Variants in OTOA observed in about 807,000 individuals in gnomAD.
OTOA encodes otoancorin, also known as cancer/testis antigen 108.
A neutral mutation model predicts 110.8 loss-of-function variants in OTOA; 70 were observed. The ratio of observed to expected loss-of-function variants is 0.63; its 90% CI spans 0.52 to 0.77. The LOEUF (loss-of-function observed/expected upper bound fraction) is 0.77, where lower values mean the gene tolerates loss of function less well. Among genes scored for constraint, OTOA ranks in the 30% least tolerant of loss-of-function variants. The probability of loss-of-function intolerance (pLI) is 0.00; values close to 1 mark genes in which losing one functional copy is unlikely to be tolerated. For missense variants in OTOA, 917 were observed against 1,075.8 expected, an observed-to-expected ratio of 0.85 and a Z score of 2.06; for synonymous variants, 373 against 431.5, an observed-to-expected ratio of 0.86 and a Z score of 1.68.
rs1899295133 is a variant in OTOA at position 21,736,321 on chromosome 16, T to G, written c.2362T>G (p.Phe788Val). The change falls in exon 22 of 29, where the codon TTC becomes GTC. Residue 788 changes from phenylalanine (F) to valine (V), a missense_variant. Around this residue, in one of 6 missense-constraint regions of OTOA, gnomAD observed 57 missense variants for 59.7 expected, o/e 0.96. Transcript: ENST00000646100. The stretch of plus-strand genomic sequence containing the variant: ...GGCCAGGACCCTGCCCACTAAAGAA[T>G]TCCTCTGGGCTGTCTTTCAGTCTGT... ...KMARTLPTKE[F>V]LWAVFQSVRN... The G allele has an allele frequency of 6.2e-7, 1 of 1,614,180 alleles. No individual in the cohort carries two copies.
intron 21 of OTOA, among the ~76,000 whole-genome samples, chr16:21,734,785 C>T (rs1014047961): frequency 4.0e-5 from 6 of 151,810 alleles, no homozygotes; most frequent in African/African-American, 7.3e-5. Context: ...TGCAGTGAGC[C>T]GAGATCGTGC....
intron 11 of OTOA, among the ~76,000 whole-genome samples, chr16:21,703,630 C>T (rs568390691): frequency 6.6e-6 from 1 of 152,252 alleles, no homozygotes; most frequent in East Asian, 1.9e-4. Context: ...GTCTTCTTTA[C>T]TCGAAGTTAA....
At position 21,730,854 on chromosome 16, in the gene OTOA, C is replaced by A. The variant is rs780672706; in HGVS notation, c.2225C>A (p.Thr742Lys). The change falls in exon 21 of 29, where the codon ACA (threonine) becomes AAA (lysine). Residue 742 changes from threonine to lysine, a missense_variant. Physicochemically the swap from Thr to Lys is moderately conservative, Grantham distance 78 (BLOSUM62 -1). Coordinates refer to ENST00000646100, the MANE Select transcript of OTOA (RefSeq NM_144672.4). ...LGQYGLPQHW[T>K]AETTKDLGPF... Reference sequence around the variant, plus strand: ...CTTTTTAGACTCCCTCAGCACTGGACAGCCGAGACCACGAAGGACTTGGGA... The same window carrying A: ...CTTTTTAGACTCCCTCAGCACTGGAAAGCCGAGACCACGAAGGACTTGGGA... 15 of 1,573,824 alleles carry A rather than the reference C, an allele frequency of 9.5e-6. No homozygotes were observed. Among genetic ancestry groups the A allele is most frequent in the Non-Finnish European group, 1.3e-5 (15 of 1,150,194 alleles).
rs1417660382 is a variant in OTOA at position 21,707,635 on chromosome 16, TTCTTTCTTTCTTTCTTTCTTTC to T, written c.1105-2241_1105-2220del. ...TTTCTTTCTTTCTTTCTTTCTTTCTTTCTTTCTTTCTTTCTTTCTTTCTCTTTCTTTCTCTTTCTGTCTCTCT... is the reference window on the plus strand; with the variant it reads ...TTTCTTTCTTTCTTTCTTTCTTTCTTTCTTTCTTTCTCTTTCTGTCTCTCT... On this transcript the variant is annotated intron_variant, in intron 12 of 28. Coordinates refer to ENST00000646100, the MANE Select transcript of OTOA (RefSeq NM_144672.4). Among the ~76,000 whole-genome samples the T allele has an allele frequency of 4.7e-3, 533 of 113,368 alleles. 8 individuals are homozygous for T. Among genetic ancestry groups the T allele is most frequent in the Non-Finnish European group, 6.7e-3 (315 of 46,930 alleles). 74.4% of individuals were successfully genotyped at this position (113,368 alleles called of 152,430 possible).
chr16:21,709,936 G>T lies in OTOA; in HGVS notation c.1153G>T (p.Glu385Ter). ...DIAMENQTLN[E>*]TLGSLSDAVV... ...TGCCATGGAGAACCAGACCCTCAAT[G>T]AGACCCTGGGTTCTTTGTCGGATGC... The change falls in exon 13 of 29, where the codon GAG becomes TAG. Residue 385 changes from glutamate to a stop codon, truncating the protein, a stop_gained. Coordinates refer to ENST00000646100, the MANE Select transcript of OTOA (RefSeq NM_144672.4). LOFTEE classifies it high-confidence loss of function. 2 of 1,614,004 alleles carry T rather than the reference G, an allele frequency of 1.2e-6. No individual in the cohort carries two copies. Among genetic ancestry groups the T allele is most frequent in the Non-Finnish European group, 1.7e-6 (2 of 1,179,956 alleles).
chr16:21,704,053 G>A (rs528827493), intron 11 of OTOA, among the ~76,000 whole-genome samples: 1 of 152,226 alleles, frequency 6.6e-6, no homozygotes, highest in East Asian at 1.9e-4. Flanking sequence ...TAAGTAACTT[G>A]GTGGAGAGCA....
chr16:21,721,306 T>G (rs1300347764), intron 17 of OTOA: 1 of 449,456 alleles, frequency 2.2e-6, no homozygotes, highest in East Asian at 7.0e-5. Flanking sequence ...AAAGTAAAAT[T>G]TCCCCAAATT....
Position 21,717,030 on chromosome 16 carries a change from G to A in OTOA, c.1612G>A (p.Glu538Lys), listed in dbSNP as rs1898577860. ...GFNSTVLKDK[E>K]LGRSQALFLY... ...CAACTCTACAGTCCTGAAGGATAAG[G>A]AACTTGGAAGGAGCCAGGTATTACC... Residue 538 changes from glutamate to lysine, a missense_variant, in exon 15 of 29, where the codon GAA becomes AAA. Around this residue, in one of 6 missense-constraint regions of OTOA, gnomAD observed 840 missense variants for 910.2 expected, o/e 0.92. Coordinates refer to ENST00000646100, the MANE Select transcript of OTOA (RefSeq NM_144672.4). 4.3e-6 allele frequency: 7 copies of A among 1,614,092 alleles called. No homozygotes were observed. The highest frequency in any genetic ancestry group is 5.9e-6 in the Non-Finnish European group (7 of 1,180,014).
intron 18 of OTOA, among the ~76,000 whole-genome samples, chr16:21,725,228 T>A (rs1282922670): frequency 1.3e-5 from 2 of 152,150 alleles, no homozygotes; most frequent in Non-Finnish European, 2.9e-5. Context: ...ATTTGCTGGA[T>A]GAATGAAGAA....
At chr16:21,760,079 G>T (rs1356877259) in intron 28 of OTOA, among the ~76,000 whole-genome samples, 1 of 151,890 alleles carries the variant, frequency 6.6e-6, no homozygotes, top group African/African-American at 2.4e-5. Context: ...CTAAGTGAGG[G>T]CTGCCATTGG....
intron 18 of OTOA, 95 bp downstream of exon 18, chr16:21,723,073 A>T (rs927352564): frequency 1.5e-6 from 2 of 1,300,564 alleles, no homozygotes; most frequent in Non-Finnish European, 2.2e-6. Flanking sequence ...GGTTTTCTTC[A>T]GGAACCAGAG....
intron 11 of OTOA, among the ~76,000 whole-genome samples, chr16:21,702,977 T>G (rs920308972): frequency 6.6e-6 from 1 of 152,188 alleles, no homozygotes; most frequent in Non-Finnish European, 1.5e-5. Context: ...CCAAGCCTAT[T>G]TTTCTTTTAT....
intron 9 of OTOA, among the ~76,000 whole-genome samples, chr16:21,693,314 G>A (rs990951194): frequency 6.6e-6 from 1 of 152,086 alleles, no homozygotes; most frequent in African/African-American, 2.4e-5. Context: ...AGAAAAGAAT[G>A]GCTATATAGA....
chr16:21,735,194 C>T (rs1597855566), intron 21 of OTOA, among the ~76,000 whole-genome samples: 1 of 151,648 alleles, frequency 6.6e-6, no homozygotes, highest in Non-Finnish European at 1.5e-5. Flanking sequence ...ATGGCTCTGC[C>T]GACTGTACAG....
chr16:21,722,273 A>AC (rs11384339), intron 17 of OTOA, among the ~76,000 whole-genome samples: 38,128 of 147,758 alleles, frequency 0.26, 5,153 homozygotes, highest in Middle Eastern at 0.27. Context: ...AAAAAAACAA[A>AC]AAAAAAAAAC....
At chr16:21,687,150 A>C (rs761005027) in intron 7 of OTOA, among the ~76,000 whole-genome samples, 11 of 152,206 alleles carry the variant, frequency 7.2e-5, no homozygotes, top group Admixed American at 2.0e-4. Flanking sequence ...AAAAGGAAAG[A>C]TGCAGAATTC....
intron 13 of OTOA, among the ~76,000 whole-genome samples, chr16:21,714,191 A>ATTTC: frequency 6.6e-6 from 1 of 151,764 alleles, no homozygotes; most frequent in East Asian, 1.9e-4. Context: ...CCCAAGTATA[A>ATTTC]TTTCTTTCTT....
chr16:21,707,623 TTC>T (rs1318928590), intron 12 of OTOA, among the ~76,000 whole-genome samples: 2 of 104,110 alleles, frequency 1.9e-5, no homozygotes, highest in South Asian at 3.1e-4. Context: ...CTTTCTTTCT[TTC>T]TTTCTTTCTT....
chr16:21,695,227 C>G (rs935142353), intron 9 of OTOA, among the ~76,000 whole-genome samples: 5 of 66,774 alleles, frequency 7.5e-5, no homozygotes, highest in African/African-American at 1.9e-4. Flanking sequence ...TAGTGAGACC[C>G]CCCCCCCCCA....
Sources: gnomAD v4.1 joint callset for allele counts (sites outside exome capture counted in the v4.1 genomes callset) on GRCh38, gnomAD v4.1.1 for gene constraint, gnomAD v4.1.1 regional missense constraint, MANE v1.5 for transcripts, NCBI Gene and HGNC (gene_info 2026-07-23, HGNC 2026-07-21) for gene names.